ST8SIA1: variants seen among roughly 807,000 people sequenced by gnomAD.
ST8SIA1 encodes the protein ST8 alpha-N-acetyl-neuraminide alpha-2,8-sialyltransferase 1.
ST8SIA1 carries 16 observed loss-of-function variants against 35.9 expected under a neutral mutation model. That is an observed-to-expected ratio of 0.45 (90% CI 0.30 to 0.68). The LOEUF is 0.68. Ranked by LOEUF, ST8SIA1 falls within the 30% of genes least tolerant of loss-of-function variation. The pLI is 0.09. For missense variants in ST8SIA1, 383 were observed against 453.6 expected (o/e 0.84, Z 1.41); for synonymous variants, 170 against 169.6 (o/e 1.00, Z -0.02).
At chr12:22,288,512 T>C (rs528174353) in intron 1 of ST8SIA1, among the ~76,000 whole-genome samples, 1 of 152,302 alleles carries the variant, frequency 6.6e-6, no homozygotes, top group Admixed American at 6.5e-5. Flanking sequence ...GGAATCAGCC[T>C]AGTCAGTAAG....
At chr12:22,296,520 G>C (rs776015969) in intron 1 of ST8SIA1, among the ~76,000 whole-genome samples, 1 of 152,074 alleles carries the variant, frequency 6.6e-6, no homozygotes, top group Non-Finnish European at 1.5e-5. Flanking sequence ...CCCTCTATTA[G>C]ACTCTTCAAT....
intron 4 of ST8SIA1, among the ~76,000 whole-genome samples, chr12:22,234,573 C>T (rs2900501): frequency 0.53 from 80,515 of 152,046 alleles, 21,600 homozygotes; most frequent in East Asian, 0.69. Context: ...CTGAAGTAAT[C>T]TGCTTACAAA....
In ST8SIA1 at chr12:22,200,663, C is replaced by T. The variant is rs907820992; in HGVS notation, c.*889G>A. On this transcript the variant is annotated 3_prime_UTR_variant, in exon 5 of 5. Transcript: ENST00000396037. ...CCACAGAGACTAAGCTTTTCATCAA[C>T]GTGCTTTACTGCATTTCTGAACATT... The T allele has an allele frequency of 3.9e-5, 6 of 152,132 alleles. No homozygotes were observed. The highest frequency in any genetic ancestry group is 5.9e-5 in the Non-Finnish European group (4 of 68,024). 9.4% of individuals were successfully genotyped at this position (152,132 alleles called of 1,614,324 possible). A position where few individuals can be genotyped will look rare whatever the true frequency, so the allele number is the denominator to read the frequency against.
At chr12:22,332,114 T>G (rs193298157) in intron 1 of ST8SIA1, among the ~76,000 whole-genome samples, 53 of 152,316 alleles carry the variant, frequency 3.5e-4, no homozygotes, top group Admixed American at 1.2e-3. Flanking sequence ...AAGCTCAAAC[T>G]TATTTCAATA....
intron 2 of ST8SIA1, among the ~76,000 whole-genome samples, chr12:22,277,472 T>G (rs1865982969): frequency 6.6e-6 from 1 of 150,468 alleles, no homozygotes; most frequent in Admixed American, 6.6e-5. Flanking sequence ...GTTCAAGCAA[T>G]TCTCCTGCCC....
intron 1 of ST8SIA1, among the ~76,000 whole-genome samples, chr12:22,296,134 TG>T (rs1173065735): frequency 1.3e-5 from 2 of 152,282 alleles, no homozygotes; most frequent in East Asian, 3.9e-4. Flanking sequence ...AAGAGGAGCA[TG>T]CCTGGTATGC....
At chr12:22,332,623 A>C (rs186761722) in intron 1 of ST8SIA1, among the ~76,000 whole-genome samples, 18 of 152,330 alleles carry the variant, frequency 1.2e-4, no homozygotes, top group Non-Finnish European at 2.1e-4. Flanking sequence ...TTATTTTTAA[A>C]TTCAATGATG....
At chr12:22,319,466 A>C (rs1196628885) in intron 1 of ST8SIA1, among the ~76,000 whole-genome samples, 1 of 152,210 alleles carries the variant, frequency 6.6e-6, no homozygotes, top group Non-Finnish European at 1.5e-5. Flanking sequence ...ACGAGGAGCA[A>C]TCTTCTGGCT....
In ST8SIA1 at chr12:22,201,607, G is replaced by C; in HGVS notation, c.1016C>G (p.Ala339Gly). The C allele has an allele frequency of 6.2e-7, 1 of 1,613,976 alleles. No homozygotes were observed. The highest frequency in any genetic ancestry group is 1.1e-5 in the South Asian group (1 of 91,070). Residue 339 changes from alanine to glycine, a missense_variant, in exon 5 of 5, where the codon GCA becomes GGA. Physicochemically the swap from Ala to Gly is moderately conservative, Grantham distance 60. Transcript: ENST00000396037. ...ACATGGGTCCAGCTGCATTCTCAGT[G>C]CACCGATTTTATGAAGATACCAGAG... ...LQLWYLHKIG[A>G]LRMQLDPCED...
chr12:22,317,205 T>C (rs1304367784), intron 1 of ST8SIA1, among the ~76,000 whole-genome samples: 1 of 152,236 alleles, frequency 6.6e-6, no homozygotes, highest in Non-Finnish European at 1.5e-5. Flanking sequence ...TGCTTTGTCC[T>C]ACACATACTA....
intron 1 of ST8SIA1, among the ~76,000 whole-genome samples, chr12:22,316,088 C>T (rs1299395825): frequency 6.6e-6 from 1 of 151,898 alleles, no homozygotes; most frequent in Non-Finnish European, 1.5e-5. Context: ...TATTCTTAAA[C>T]AAGAAGTTTC....
intron 2 of ST8SIA1, among the ~76,000 whole-genome samples, chr12:22,269,977 G>A (rs11615329): frequency 6.6e-6 from 1 of 152,070 alleles, no homozygotes; most frequent in Non-Finnish European, 1.5e-5. Flanking sequence ...GTCTCCATCC[G>A]TTTCCAAGGA....
At chr12:22,315,929 C>T (rs181838289) in intron 1 of ST8SIA1, among the ~76,000 whole-genome samples, 14 of 152,110 alleles carry the variant, frequency 9.2e-5, no homozygotes, top group African/African-American at 3.1e-4. Flanking sequence ...CTATGGCACA[C>T]GTTTACCTGT....
intron 1 of ST8SIA1, among the ~76,000 whole-genome samples, chr12:22,300,649 CCT>C (rs1866307745): frequency 1.3e-5 from 2 of 152,110 alleles, no homozygotes; most frequent in South Asian, 4.1e-4. Context: ...AACTAAGTCT[CCT>C]CTCTCGAAGA....
intron 4 of ST8SIA1, among the ~76,000 whole-genome samples, chr12:22,208,448 A>T (rs1865140577): frequency 6.6e-6 from 1 of 152,090 alleles, no homozygotes; most frequent in African/African-American, 2.4e-5. Flanking sequence ...ATAAAACAAA[A>T]ATTTCATTGT....
chr12:22,195,560 G>A lies in ST8SIA1; in HGVS notation c.*5992C>T, dbSNP rs1358929477. ...GAAATCGCAGGGGCCAGCACATCAG[G>A]TGTGCAATGGATAAGCTTCACCCAG... On this transcript the variant is annotated 3_prime_UTR_variant, in exon 5 of 5. Coordinates refer to ENST00000396037, the MANE Select transcript of ST8SIA1 (RefSeq NM_003034.4). 6.6e-6 allele frequency: 1 copy of A among 152,110 alleles called. No homozygotes were observed. The highest frequency in any genetic ancestry group is 1.5e-5 in the Non-Finnish European group (1 of 68,044). The allele number at this position is 152,110 out of a possible 1,614,324, so 9.4% of individuals were successfully genotyped here.
chr12:22,248,494 C>T (rs1445662806), intron 4 of ST8SIA1, among the ~76,000 whole-genome samples: 1 of 151,880 alleles, frequency 6.6e-6, no homozygotes, highest in African/African-American at 2.4e-5. Context: ...TTTACATCTG[C>T]TCTCCCAAAT....
At position 22,334,217 on chromosome 12, in the gene ST8SIA1, G is replaced by A; in HGVS notation, c.16C>T (p.Arg6Trp). MSPCG[R>W]ARRQTSRGAM... is the part of the protein sequence containing the mutation. ...CCTCTGGACGTTTGTCGCCGGGCCCGCCCGCAGGGGCTCATCGCAGCCCCG... is the reference window on the plus strand; with the variant it reads ...CCTCTGGACGTTTGTCGCCGGGCCCACCCGCAGGGGCTCATCGCAGCCCCG... The change falls in exon 1 of 5, where the codon CGG becomes TGG. Residue 6 changes from arginine to tryptophan, a missense_variant. Coordinates refer to ENST00000396037, the MANE Select transcript of ST8SIA1 (RefSeq NM_003034.4). 2.5e-6 allele frequency: 4 copies of A among 1,612,028 alleles called. No homozygotes were observed. Among genetic ancestry groups the A allele is most frequent in the East Asian group, 2.2e-5 (1 of 44,818 alleles).
At chr12:22,321,483 T>C (rs1010986031) in intron 1 of ST8SIA1, among the ~76,000 whole-genome samples, 1 of 152,196 alleles carries the variant, frequency 6.6e-6, no homozygotes, top group Non-Finnish European at 1.5e-5. Context: ...ACCTCAGCGA[T>C]TGCTCTTCTT....
Sources: gnomAD v4.1 joint callset for allele counts (sites outside exome capture counted in the v4.1 genomes callset) on GRCh38, gnomAD v4.1.1 for gene constraint, MANE v1.5 for transcripts, NCBI Gene and HGNC (gene_info 2026-07-23, HGNC 2026-07-21) for gene names.